RNF144A: variants seen among roughly 807,000 people sequenced by gnomAD.
RNF144A encodes E3 ubiquitin-protein ligase RNF144A.
In RNF144A, 11 loss-of-function variants were observed where a neutral mutation model predicts 38.7. The ratio of observed to expected loss-of-function variants is 0.28; its 90% CI spans 0.18 to 0.47. The LOEUF (loss-of-function observed/expected upper bound fraction) is 0.47. Among genes scored for constraint, RNF144A ranks in the 20% least tolerant of loss-of-function variants. RNF144A has a pLI of 0.99. For missense variants in RNF144A, 316 were observed against 377.2 expected (o/e 0.84, Z 1.34); for synonymous variants, 149 against 143.9 (o/e 1.04, Z -0.25).
intron 2 of RNF144A, among the ~76,000 whole-genome samples, chr2:6,982,896 A>G (rs929398016): frequency 2.6e-5 from 4 of 152,236 alleles, no homozygotes; most frequent in Non-Finnish European, 2.9e-5. Flanking sequence ...TACATTGGAA[A>G]ATAGCTGAGG....
chr2:7,036,206 T>C (rs1459638346), intron 8 of RNF144A, among the ~76,000 whole-genome samples: 1 of 152,196 alleles, frequency 6.6e-6, no homozygotes, highest in Non-Finnish European at 1.5e-5. Context: ...TTTCATTTTC[T>C]CTAGAGTAAC....
downstream of RNF144A, among the ~76,000 whole-genome samples, chr2:7,046,353 C>G (rs889707305): frequency 6.6e-6 from 1 of 152,178 alleles, no homozygotes; most frequent in Non-Finnish European, 1.5e-5. Flanking sequence ...GAATGGGGCC[C>G]AGAGCAGCAG....
At chr2:6,956,237 T>G (rs1666985284) in intron 2 of RNF144A, among the ~76,000 whole-genome samples, 1 of 148,806 alleles carries the variant, frequency 6.7e-6, no homozygotes, top group Non-Finnish European at 1.5e-5. Flanking sequence ...CTTGTTTCTG[T>G]TTTTTTTTCG....
intron 6 of RNF144A, among the ~76,000 whole-genome samples, chr2:7,055,733 G>T (rs1355678100): frequency 6.6e-6 from 1 of 152,136 alleles, no homozygotes; most frequent in Non-Finnish European, 1.5e-5. Flanking sequence ...TCATGCCTAT[G>T]ATTCTAAGTT....
chr2:7,024,230 T>G (rs1671722541), intron 6 of RNF144A, 139 bp from the exon 7 acceptor site: 11 of 732,164 alleles, frequency 1.5e-5, no homozygotes, highest in Non-Finnish European at 2.2e-5. Flanking sequence ...CTTTGTTTTT[T>G]GGTTTTTGTT....
chr2:7,069,773 G>A (rs1674390768), downstream of RNF144A, among the ~76,000 whole-genome samples: 1 of 152,222 alleles, frequency 6.6e-6, no homozygotes, highest in Admixed American at 6.5e-5. Flanking sequence ...AGAAGCTTGT[G>A]TAAAAAGCCC....
At chr2:7,066,390 T>A (rs1674226008) in intron 6 of RNF144A, among the ~76,000 whole-genome samples, 1 of 152,170 alleles carries the variant, frequency 6.6e-6, no homozygotes, top group Non-Finnish European at 1.5e-5. Flanking sequence ...CCCGGTCAAG[T>A]TTTTCTCTTT....
At chr2:7,033,949 C>T (rs562789463) in intron 8 of RNF144A, among the ~76,000 whole-genome samples, 4 of 152,270 alleles carry the variant, frequency 2.6e-5, no homozygotes, top group South Asian at 2.1e-4. Context: ...GTGCCTTCGG[C>T]GGCTTTCTAC....
At chr2:6,992,870 T>C (rs1439119417) in intron 2 of RNF144A, among the ~76,000 whole-genome samples, 1 of 152,284 alleles carries the variant, frequency 6.6e-6, no homozygotes, top group Admixed American at 6.5e-5. Context: ...TCAGTCATGC[T>C]TAATAAGTAA....
intron 8 of RNF144A, among the ~76,000 whole-genome samples, chr2:7,032,133 T>C (rs925313234): frequency 2.6e-5 from 4 of 152,244 alleles, no homozygotes; most frequent in African/African-American, 9.6e-5. Flanking sequence ...GTCTAGAGAG[T>C]TGGTTTGAGC....
chr2:6,937,917 A>G (rs1477784759), intron 1 of RNF144A, among the ~76,000 whole-genome samples: 1 of 152,200 alleles, frequency 6.6e-6, no homozygotes, highest in African/African-American at 2.4e-5. Flanking sequence ...TATCTACCAA[A>G]AAGATATATG....
chr2:6,998,034 G>A (rs389351), intron 3 of RNF144A, among the ~76,000 whole-genome samples: 37,569 of 152,042 alleles, frequency 0.25, 5,704 homozygotes, highest in Non-Finnish European at 0.35. Flanking sequence ...TACAAAAAAT[G>A]AATATCAAAA....
intron 6 of RNF144A, among the ~76,000 whole-genome samples, chr2:7,067,617 T>C (rs966315199): frequency 1.3e-5 from 2 of 152,158 alleles, no homozygotes; most frequent in African/African-American, 4.8e-5. Context: ...GGTGACTCAG[T>C]GGGTTCTTAG....
intron 2 of RNF144A, among the ~76,000 whole-genome samples, chr2:6,989,872 TA>T (rs1042322613): frequency 6.6e-6 from 1 of 151,734 alleles, no homozygotes; most frequent in Admixed American, 6.6e-5. Context: ...ACCCTTTTCT[TA>T]AAAAAAAGAA....
chr2:7,070,669 A>C (rs1238641053), downstream of RNF144A, among the ~76,000 whole-genome samples: 1 of 152,224 alleles, frequency 6.6e-6, no homozygotes, highest in Non-Finnish European at 1.5e-5. Context: ...AGATCTGGAC[A>C]CATACACCCA....
intron 6 of RNF144A, among the ~76,000 whole-genome samples, chr2:7,055,914 T>C (rs1673722034): frequency 6.6e-6 from 1 of 152,128 alleles, no homozygotes; most frequent in Admixed American, 6.5e-5. Flanking sequence ...GTTTAGACCT[T>C]CCTACCCAGA....
intron 2 of RNF144A, among the ~76,000 whole-genome samples, chr2:6,960,274 G>A (rs988446282): frequency 1.3e-5 from 2 of 152,122 alleles, no homozygotes; most frequent in Admixed American, 6.5e-5. Context: ...TGGAATCTTC[G>A]CAACAGAGTG....
At chr2:6,993,960 A>T (rs148158633) in intron 2 of RNF144A, among the ~76,000 whole-genome samples, 20 of 152,308 alleles carry the variant, frequency 1.3e-4, no homozygotes, top group South Asian at 2.1e-4. Flanking sequence ...ATGAGTGGTG[A>T]TGGTGATACA....
rs186623928 is a variant in RNF144A, at chr2:7,027,373, G to A, written c.658-2753G>A. Among the ~76,000 whole-genome samples the A allele has an allele frequency of 5.5e-4, 84 of 152,268 alleles. 2 individuals are homozygous for A. Among genetic ancestry groups the A allele is most frequent in the Middle Eastern group, 3.4e-3 (1 of 294 alleles). Reference sequence around the variant, plus strand: ...TGGCAGTAGATAGTTAATGTTTATCGAGGTAATTGTTCCAGATCAGCATTA... The same window carrying A: ...TGGCAGTAGATAGTTAATGTTTATCAAGGTAATTGTTCCAGATCAGCATTA... On this transcript the variant is annotated intron_variant, in intron 7 of 8. Transcript: ENST00000320892.
Sources: allele counts gnomAD v4.1 joint callset (sites outside exome capture counted in the v4.1 genomes callset), GRCh38; gene constraint gnomAD v4.1.1; transcripts MANE v1.5; gene names NCBI Gene and HGNC (gene_info 2026-07-23, HGNC 2026-07-21).